SPECC1L: variants seen among roughly 807,000 people sequenced by gnomAD.
SPECC1L encodes the protein sperm antigen with calponin homology and coiled-coil domains 1 like, also known as cytospin-A.
Under a neutral mutation model 116.8 loss-of-function variants are expected in SPECC1L, and 40 were observed. The observed-to-expected ratio is 0.34, with a 90% CI of 0.27 to 0.45. SPECC1L has a LOEUF of 0.45. SPECC1L is among the 20% of genes least tolerant of loss of function. The probability of loss-of-function intolerance (pLI) is 1.00; values close to 1 mark genes in which losing one functional copy is unlikely to be tolerated. For synonymous variants in SPECC1L, 504 were observed against 500.6 expected (o/e 1.01, Z -0.09); for missense variants, 1,110 against 1,373.6 (o/e 0.81, Z 3.03).
intron 14 of SPECC1L, among the ~76,000 whole-genome samples, chr22:24,409,589 G>T (rs2042653929): frequency 6.6e-6 from 1 of 152,134 alleles, no homozygotes; most frequent in South Asian, 2.1e-4. Context: ...GGAGTTCAAG[G>T]CTGCAGTGAG....
At chr22:24,392,795 T>TATCTC (rs1023322534) in intron 14 of SPECC1L, among the ~76,000 whole-genome samples, 8 of 152,332 alleles carry the variant, frequency 5.3e-5, no homozygotes, top group African/African-American at 1.7e-4. Context: ...TTAGTGGGGA[T>TATCTC]ATCTCATCTC....
chr22:24,282,798 G>C (rs1339947745), intron 2 of SPECC1L, among the ~76,000 whole-genome samples: 1 of 138,914 alleles, frequency 7.2e-6, no homozygotes, highest in East Asian at 2.1e-4. Flanking sequence ...TTTTTTTTAA[G>C]ACGGGGTCGC....
chr22:24,374,477 A>G (rs1011244292), intron 14 of SPECC1L, among the ~76,000 whole-genome samples: 1 of 152,028 alleles, frequency 6.6e-6, no homozygotes, highest in African/African-American at 2.4e-5. Flanking sequence ...TTGTAGGGAC[A>G]CGGATGAAGC....
chr22:24,327,277 C>CAAAAA (rs58725731), intron 6 of SPECC1L, among the ~76,000 whole-genome samples: 20 of 41,950 alleles, frequency 4.8e-4, no homozygotes, highest in East Asian at 1.8e-3. Context: ...GACTCCGTCT[C>CAAAAA]AAAAAAAAAA....
intron 14 of SPECC1L, among the ~76,000 whole-genome samples, chr22:24,390,494 A>G (rs2042242421): frequency 6.6e-6 from 1 of 152,240 alleles, no homozygotes; most frequent in Admixed American, 6.5e-5. Flanking sequence ...TCTGAATCAA[A>G]TCTAGGTTGA....
intron 4 of SPECC1L, among the ~76,000 whole-genome samples, chr22:24,317,323 C>A (rs1277698648): frequency 4.6e-5 from 5 of 108,640 alleles, no homozygotes; most frequent in East Asian, 3.0e-4. Flanking sequence ...TGACCCCCCC[C>A]ACCTCCCTCC....
At chr22:24,313,551 A>G (rs1569416140) in intron 4 of SPECC1L, 85 bp downstream of exon 4, 1 of 1,493,370 alleles carries the variant, frequency 6.7e-7, no homozygotes, top group Non-Finnish European at 9.3e-7. Context: ...GTTCCATCTA[A>G]TTATAGGAAA....
intron 14 of SPECC1L, among the ~76,000 whole-genome samples, chr22:24,408,517 C>A (rs572393827): frequency 2.0e-5 from 3 of 152,344 alleles, no homozygotes; most frequent in Admixed American, 1.3e-4. Flanking sequence ...CAGTGGATGC[C>A]TGGTGGCACA....
chr22:24,343,651 G>A, intron 10 of SPECC1L: 1 of 247,742 alleles, frequency 4.0e-6, no homozygotes, highest in South Asian at 3.3e-5. Context: ...AGTAGAGATG[G>A]GGTTTCTCCA....
chr22:24,379,833 A>G (rs192489122), intron 14 of SPECC1L, among the ~76,000 whole-genome samples: 19 of 152,286 alleles, frequency 1.2e-4, no homozygotes, highest in Non-Finnish European at 1.6e-4. Context: ...CAAGATCTGT[A>G]AGTTAACATT....
intron 8 of SPECC1L, 102 bp from the exon 9 acceptor site, chr22:24,334,295 AGCCACCGTGCCCG>A (rs1349110116): frequency 4.8e-6 from 5 of 1,051,394 alleles, no homozygotes; most frequent in Non-Finnish European, 5.7e-6. Flanking sequence ...TACAGGTGTG[AGCCACCGTGCCCG>A]GCCATTAAAC....
intron 14 of SPECC1L, among the ~76,000 whole-genome samples, chr22:24,405,096 C>T (rs974812724): frequency 9.9e-5 from 15 of 152,230 alleles, no homozygotes; most frequent in Non-Finnish European, 1.5e-4. Flanking sequence ...CTGGTGGCCC[C>T]GGCCCTCCTG....
intron 10 of SPECC1L, among the ~76,000 whole-genome samples, chr22:24,346,412 G>T (rs893201943): frequency 1.3e-5 from 2 of 152,228 alleles, no homozygotes; most frequent in Non-Finnish European, 2.9e-5. Context: ...CTGGGCAGTT[G>T]TTGTAGCATT....
chr22:24,276,478 A>G (rs2048840077), intron 1 of SPECC1L, among the ~76,000 whole-genome samples: 2 of 152,184 alleles, frequency 1.3e-5, no homozygotes, highest in South Asian at 2.1e-4. Flanking sequence ...GTCAAGAAAT[A>G]GCCATTATGC....
At chr22:24,317,385 G>A (rs1288948819) in intron 4 of SPECC1L, among the ~76,000 whole-genome samples, 2 of 123,616 alleles carry the variant, frequency 1.6e-5, no homozygotes, top group African/African-American at 2.8e-5. Context: ...CAGTAGGGGC[G>A]GCCGGGCAGA....
At chr22:24,326,588 A>G (rs2040825970) in intron 6 of SPECC1L, among the ~76,000 whole-genome samples, 1 of 152,208 alleles carries the variant, frequency 6.6e-6, no homozygotes, top group Non-Finnish European at 1.5e-5. Flanking sequence ...TTGCTTATGA[A>G]GTCATCTACC....
intron 2 of SPECC1L, among the ~76,000 whole-genome samples, chr22:24,283,329 C>T (rs1324596498): frequency 2.0e-5 from 3 of 152,196 alleles, no homozygotes; most frequent in African/African-American, 4.8e-5. Context: ...CCGCCCACCT[C>T]GGCCTCCCAA....
chr22:24,323,813 CTA>C (rs1028105306), intron 5 of SPECC1L, among the ~76,000 whole-genome samples: 1 of 152,144 alleles, frequency 6.6e-6, no homozygotes, highest in African/African-American at 2.4e-5. Flanking sequence ...TGTAAAAACA[CTA>C]TTTGAGAATT....
At chr22:24,398,154 A>G (rs2042402140) in intron 14 of SPECC1L, among the ~76,000 whole-genome samples, 1 of 152,228 alleles carries the variant, frequency 6.6e-6, no homozygotes, top group Admixed American at 6.5e-5. Context: ...TCCTGGGGCC[A>G]AGGGAACACT....
Sources: allele counts gnomAD v4.1 joint callset (sites outside exome capture counted in the v4.1 genomes callset), GRCh38; gene constraint gnomAD v4.1.1; transcripts MANE v1.5; gene names NCBI Gene and HGNC (gene_info 2026-07-23, HGNC 2026-07-21).